DNER: variants seen among roughly 807,000 people sequenced by gnomAD.
DNER encodes the protein delta/notch like EGF repeat containing, also known as delta and Notch-like epidermal growth factor-related receptor.
A neutral mutation model predicts 78.2 loss-of-function variants in DNER; 33 were observed. The observed-to-expected ratio is 0.42, with a 90% CI of 0.32 to 0.56. DNER has a LOEUF of 0.56. DNER is among the 20% of genes least tolerant of loss of function. The probability of loss-of-function intolerance (pLI) is 0.11; values close to 1 mark genes in which losing one functional copy is unlikely to be tolerated. For missense variants in DNER, 918 were observed against 975.3 expected (o/e 0.94, Z 0.78); for synonymous variants, 417 against 384.8 (o/e 1.08, Z -0.98).
chr2:229,410,964 T>C (rs774720751), intron 9 of DNER, among the ~76,000 whole-genome samples: 39 of 152,230 alleles, frequency 2.6e-4, no homozygotes, highest in Non-Finnish European at 5.0e-4. Context: ...TCAATCTTTA[T>C]AGATCTCAAC....
chr2:229,628,462 C>T lies in DNER; in HGVS notation c.277-36574G>A, dbSNP rs79264946. ...AATAGACACCAAAAACACGGGAACA[C>T]GGTAGTAACAACTAAGTGTTGCAGA... On this transcript the variant is annotated intron_variant, in intron 1 of 12. Transcript: ENST00000341772. Among the ~76,000 whole-genome samples, 292 of 152,278 alleles carry T rather than the reference C, an allele frequency of 1.9e-3. 2 individuals carry two copies. The highest frequency in any genetic ancestry group is 6.7e-3 in the African/African-American group (279 of 41,542).
At chr2:229,546,495 G>A (rs1425432819) in intron 5 of DNER, among the ~76,000 whole-genome samples, 1 of 152,234 alleles carries the variant, frequency 6.6e-6, no homozygotes, top group Non-Finnish European at 1.5e-5. Context: ...CAGCACTGTG[G>A]GAGGCCAAGG....
chr2:229,388,212 A>C (rs1692938594), intron 11 of DNER, 53 bp downstream of exon 11: 1 of 1,546,484 alleles, frequency 6.5e-7, no homozygotes. Context: ...GAAAATGCTT[A>C]AGTAACAGCT....
At chr2:229,701,292 C>G (rs1007807410) in intron 1 of DNER, among the ~76,000 whole-genome samples, 2 of 152,174 alleles carry the variant, frequency 1.3e-5, no homozygotes, top group South Asian at 4.1e-4. Context: ...AATTATTTGA[C>G]AAGAATTTAA....
chr2:229,445,462 G>A (rs1694321081), intron 8 of DNER, among the ~76,000 whole-genome samples: 1 of 152,226 alleles, frequency 6.6e-6, no homozygotes, highest in Non-Finnish European at 1.5e-5. Flanking sequence ...AACTTGGCTA[G>A]GCCATGGTTC....
intron 7 of DNER, among the ~76,000 whole-genome samples, chr2:229,462,510 G>A (rs756853221): frequency 2.6e-5 from 4 of 151,968 alleles, no homozygotes; most frequent in Non-Finnish European, 5.9e-5. Context: ...GGATCTTATA[G>A]ACACTATCTC....
intron 1 of DNER, among the ~76,000 whole-genome samples, chr2:229,710,109 T>C (rs1314265337): frequency 6.6e-6 from 1 of 152,208 alleles, no homozygotes; most frequent in Non-Finnish European, 1.5e-5. Flanking sequence ...GGACCCAGAA[T>C]TCTAACTCTA....
At chr2:229,485,818 A>AT (rs1553534861) in intron 6 of DNER, among the ~76,000 whole-genome samples, 2 of 148,178 alleles carry the variant, frequency 1.3e-5, no homozygotes, top group East Asian at 2.0e-4. Flanking sequence ...TACTGAAATA[A>AT]TAAAAAAAAA....
chr2:229,373,278 G>A (rs1692528013), intron 11 of DNER, among the ~76,000 whole-genome samples: 2 of 152,140 alleles, frequency 1.3e-5, no homozygotes. Context: ...ATTCAAAAGT[G>A]GGCAGGAGAT....
chr2:229,414,739 C>T (rs1456409507), intron 9 of DNER, among the ~76,000 whole-genome samples: 1 of 152,200 alleles, frequency 6.6e-6, no homozygotes, highest in Non-Finnish European at 1.5e-5. Flanking sequence ...GTGTAATTCC[C>T]TCCCTTTGAG....
intron 5 of DNER, among the ~76,000 whole-genome samples, chr2:229,541,745 C>G (rs1383763481): frequency 6.6e-5 from 10 of 151,872 alleles, no homozygotes. Flanking sequence ...CAAACTGCAA[C>G]TCTTTCCTGA....
intron 1 of DNER, among the ~76,000 whole-genome samples, chr2:229,646,725 C>G (rs1698725484): frequency 6.6e-6 from 1 of 152,278 alleles, no homozygotes; most frequent in Non-Finnish European, 1.5e-5. Flanking sequence ...TGAATGCACA[C>G]TCTGTGCCAG....
intron 10 of DNER, among the ~76,000 whole-genome samples, chr2:229,406,268 C>T (rs1693379899): frequency 1.3e-5 from 2 of 152,136 alleles, no homozygotes; most frequent in South Asian, 4.1e-4. Context: ...TTTTCTTTGG[C>T]TTCAGAGCCC....
chr2:229,472,763 A>G (rs1245008716), intron 7 of DNER, among the ~76,000 whole-genome samples: 2 of 152,216 alleles, frequency 1.3e-5, no homozygotes, highest in Non-Finnish European at 2.9e-5. Flanking sequence ...AACATTCATG[A>G]TATTTCACTT....
chr2:229,532,073 G>C (rs1212344667), intron 5 of DNER, among the ~76,000 whole-genome samples: 2 of 152,164 alleles, frequency 1.3e-5, no homozygotes, highest in African/African-American at 4.8e-5. Context: ...TTTGGAACTA[G>C]ACAGAGGTGG....
intron 8 of DNER, among the ~76,000 whole-genome samples, chr2:229,445,871 A>C (rs562518186): frequency 6.6e-6 from 1 of 152,382 alleles, no homozygotes; most frequent in African/African-American, 2.4e-5. Flanking sequence ...TGAATGTCAG[A>C]GCAGAGAGGA....
chr2:229,418,143 T>C lies in DNER; in HGVS notation c.1574A>G (p.Asn525Ser), dbSNP rs199948718. 57 of 1,614,160 alleles carry C rather than the reference T, an allele frequency of 3.5e-5. No individual in the cohort carries two copies. In the African/African-American group the frequency reaches 4.7e-4, roughly 13 times the overall value. ...LNAATCRDLV[N>S]GYECVCLAEY... ...TGCCAGGCACACACACTCATAGCCA[T>C]TAACGAGGTCCCTGCAGGTGGCTGC... is the stretch of plus-strand genomic sequence containing the variant. The change falls in exon 9 of 13, where the codon AAT (asparagine) becomes AGT (serine). Residue 525 changes from asparagine to serine, a missense_variant. Physicochemically the swap from Asn to Ser is conservative, Grantham distance 46. Transcript: ENST00000341772.
Position 229,684,163 on chromosome 2 carries a change from AGAGAGAGTGTGTGTGT to A in DNER, c.276+29969_276+29984del, listed in dbSNP as rs1699441258. ...GTGTATGTGAGAGAGAGAGAGAGAG[AGAGAGAGTGTGTGTGT>A]GTGTGTGTGTGTGTGTGTGTGTGTG... On this transcript the variant is annotated intron_variant, in intron 1 of 12. Transcript: ENST00000341772. Among the ~76,000 whole-genome samples, 9 of 130,428 alleles carry A rather than the reference AGAGAGAGTGTGTGTGT, an allele frequency of 6.9e-5. No individual in the cohort carries two copies. In the South Asian group the frequency reaches 1.9e-3, roughly 28 times the overall value. 85.6% of individuals were successfully genotyped at this position (130,428 alleles called of 152,430 possible).
intron 6 of DNER, among the ~76,000 whole-genome samples, chr2:229,478,631 G>T (rs977283477): frequency 6.6e-6 from 1 of 152,088 alleles, no homozygotes; most frequent in African/African-American, 2.4e-5. Context: ...TTTTTAAGAG[G>T]AATGCTGCAA....
Sources: gnomAD v4.1 joint callset for allele counts (sites outside exome capture counted in the v4.1 genomes callset) on GRCh38, gnomAD v4.1.1 for gene constraint, MANE v1.5 for transcripts, NCBI Gene and HGNC (gene_info 2026-07-23, HGNC 2026-07-21) for gene names.